Variants in NDUFA8 observed in about 807,000 individuals in gnomAD.
NDUFA8 encodes NADH:ubiquinone oxidoreductase subunit A8.
In NDUFA8, 16 loss-of-function variants were observed where a neutral mutation model predicts 20.9. That is an observed-to-expected ratio of 0.77 (90% CI 0.52 to 1.16). The LOEUF is 1.16. Ranked by LOEUF, NDUFA8 falls within the 50% of genes most tolerant of loss-of-function variation. The pLI is 0.00. For synonymous variants in NDUFA8, 70 were observed against 76.1 expected (o/e 0.92, Z 0.41); for missense variants, 202 against 216.4 (o/e 0.93, Z 0.42).
downstream of NDUFA8, among the ~76,000 whole-genome samples, chr9:122,139,062 G>A (rs918901006): frequency 3.3e-5 from 5 of 152,168 alleles, no homozygotes; most frequent in East Asian, 1.9e-4. Context: ...GGCAGGAAAC[G>A]TCCCTATGAG....
Position 122,159,651 on chromosome 9 carries a change from A to T in NDUFA8, c.27T>A (p.Thr9=), listed in dbSNP as rs1184850440. 3 of 1,614,066 alleles carry T rather than the reference A, an allele frequency of 1.9e-6. No homozygotes were observed. The highest frequency in any genetic ancestry group is 2.5e-6 in the Non-Finnish European group (3 of 1,179,994). MPGIVELP[T]LEELKVDEVK... is the part of the protein sequence containing the mutation. ...CCTCATCTACTTTCAGCTCCTCTAG[A>T]GTGGGCAGCTCCACTATCCCCGGCA... The change falls in exon 1 of 4, where the codon ACT becomes ACA. Residue 9 remains threonine, a synonymous_variant. Transcript: ENST00000373768.
At chr9:122,146,258 C>A (rs575960113) in intron 3 of NDUFA8, among the ~76,000 whole-genome samples, 2 of 152,264 alleles carry the variant, frequency 1.3e-5, no homozygotes, top group African/African-American at 2.4e-5. Flanking sequence ...AGCCATGGCA[C>A]CTGATCGAGA....
At chr9:122,138,468 T>A in the NDUFA8 span, among the ~76,000 whole-genome samples, 1 of 152,142 alleles carries the variant, frequency 6.6e-6, no homozygotes, top group Non-Finnish European at 1.5e-5. Context: ...CTTGCAAGTC[T>A]CCCATCTTTT....
downstream of NDUFA8, among the ~76,000 whole-genome samples, chr9:122,140,320 G>C (rs1828800794): frequency 6.6e-6 from 1 of 152,138 alleles, no homozygotes; most frequent in African/African-American, 2.4e-5. Context: ...CTCAAACTGA[G>C]ACTTCCTAAA....
chr9:122,152,337 C>A lies in NDUFA8; in HGVS notation c.123G>T (p.Lys41Asn), dbSNP rs1829014701. The A allele has an allele frequency of 1.2e-6, 2 of 1,614,030 alleles. No individual in the cohort carries two copies. Among genetic ancestry groups the A allele is most frequent in the African/African-American group, 2.7e-5 (2 of 74,904 alleles). The change falls in exon 2 of 4, where the codon AAG becomes AAT. Residue 41 changes from lysine to asparagine, a missense_variant. Physicochemically the swap from Lys to Asn is moderately conservative, Grantham distance 94 (BLOSUM62 0). Coordinates refer to ENST00000373768, the MANE Select transcript of NDUFA8 (RefSeq NM_014222.3). ...CTTCCCAGCGGCAGAGCATAAACTC[C>A]TTGTTGGGCTTATCACATTGAGCTC... ...HYGAQCDKPN[K>N]EFMLCRWEEK...
At chr9:122,155,068 T>C (rs374926503) in intron 1 of NDUFA8, among the ~76,000 whole-genome samples, 6 of 152,268 alleles carry the variant, frequency 3.9e-5, no homozygotes, top group Admixed American at 1.3e-4. Context: ...CAGTCTGTAA[T>C]TTTATTTTAT....
intron 1 of NDUFA8, among the ~76,000 whole-genome samples, chr9:122,155,450 TTAATC>T (rs1829064545): frequency 6.6e-6 from 1 of 152,220 alleles, no homozygotes; most frequent in Admixed American, 6.5e-5. Flanking sequence ...ACAAGAGTAA[TTAATC>T]TATACACTAT....
At chr9:122,136,905 G>A in the NDUFA8 span, among the ~76,000 whole-genome samples, 2 of 152,176 alleles carry the variant, frequency 1.3e-5, no homozygotes, top group East Asian at 1.9e-4. Context: ...TTTCTGCTTC[G>A]GTTCTGTCAA....
At chr9:122,150,262 T>G (rs1564409172) in intron 2 of NDUFA8, among the ~76,000 whole-genome samples, 1 of 151,500 alleles carries the variant, frequency 6.6e-6, no homozygotes, top group Admixed American at 6.6e-5. Flanking sequence ...TACAAAAAAT[T>G]AGCTGGGCGT....
the NDUFA8 span, among the ~76,000 whole-genome samples, chr9:122,134,416 A>G: frequency 6.6e-6 from 1 of 152,192 alleles, no homozygotes; most frequent in East Asian, 1.9e-4. Context: ...AAACGGGAAT[A>G]ACAGGAACGC....
intron 2 of NDUFA8, among the ~76,000 whole-genome samples, chr9:122,150,942 A>C (rs1393388550): frequency 7.3e-6 from 1 of 137,374 alleles, no homozygotes; most frequent in African/African-American, 2.6e-5. Flanking sequence ...ATTGCACTCC[A>C]GCCTGGGCAA....
At chr9:122,138,127 G>A in the NDUFA8 span, among the ~76,000 whole-genome samples, 7 of 152,272 alleles carry the variant, frequency 4.6e-5, no homozygotes, top group East Asian at 1.2e-3. Context: ...TAGTTTTGGA[G>A]AGCAAGGGAA....
At chr9:122,158,324 T>C (rs992169008) in intron 1 of NDUFA8, among the ~76,000 whole-genome samples, 3 of 152,086 alleles carry the variant, frequency 2.0e-5, no homozygotes, top group African/African-American at 4.8e-5. Flanking sequence ...CCTCCCTTAC[T>C]GGATCAAGTC....
At chr9:122,150,410 CAAAAAAAAAAAAAA>C (rs60728190) in intron 2 of NDUFA8, among the ~76,000 whole-genome samples, 65 of 19,662 alleles carry the variant, frequency 3.3e-3, no homozygotes, top group Middle Eastern at 0.042. Flanking sequence ...CACCCCATCA[CAAAAAAAAAAAAAA>C]AAAAAAAAAA....
downstream of NDUFA8, among the ~76,000 whole-genome samples, chr9:122,141,912 G>T (rs548854592): frequency 5.9e-5 from 9 of 152,130 alleles, no homozygotes; most frequent in African/African-American, 9.7e-5. Flanking sequence ...AGGTGGGGAG[G>T]GGGGAGGCAA....
At chr9:122,134,001 G>A in the NDUFA8 span, among the ~76,000 whole-genome samples, 5 of 152,070 alleles carry the variant, frequency 3.3e-5, no homozygotes, top group Admixed American at 6.6e-5. Context: ...GTGTTTCTGC[G>A]GGCAGGCCAC....
At chr9:122,154,484 T>G (rs1829048965) in intron 1 of NDUFA8, among the ~76,000 whole-genome samples, 2 of 152,214 alleles carry the variant, frequency 1.3e-5, no homozygotes, top group African/African-American at 4.8e-5. Context: ...AATAGGATAG[T>G]TTTTCTATTA....
In NDUFA8 at chr9:122,152,245, C is replaced by T; in HGVS notation, c.215G>A (p.Arg72Lys). The stretch of plus-strand genomic sequence containing the variant: ...AGGCACTGATACCAAAGATTTTTAC[C>T]TAAAGAAGTCCAAAGCACACTTGTT... ...LVNKCALDFF[R>K]QIKRHCAEPF... is the part of the protein sequence containing the mutation. Residue 72 changes from arginine (R) to lysine (K), a missense_variant and splice_region_variant, in exon 2 of 4, where the codon AGG (arginine) becomes AAG (lysine). By Grantham distance (26) the Arg-to-Lys change is conservative (BLOSUM62 2). Transcript: ENST00000373768. The T allele has an allele frequency of 1.2e-6, 2 of 1,614,098 alleles. No individual in the cohort carries two copies. Among genetic ancestry groups the T allele is most frequent in the Non-Finnish European group, 1.7e-6 (2 of 1,180,012 alleles).
downstream of NDUFA8, among the ~76,000 whole-genome samples, chr9:122,139,330 T>G (rs1326780217): frequency 7.2e-6 from 1 of 138,412 alleles, no homozygotes; most frequent in African/African-American, 2.5e-5. Context: ...TTCTGTGGCC[T>G]GTCTTCTTAA....
Sources: allele counts gnomAD v4.1 joint callset (sites outside exome capture counted in the v4.1 genomes callset), GRCh38; gene constraint gnomAD v4.1.1; transcripts MANE v1.5; gene names NCBI Gene and HGNC (gene_info 2026-07-23, HGNC 2026-07-21).